TTC28: variants seen among roughly 807,000 people sequenced by gnomAD.
TTC28 encodes the protein tetratricopeptide repeat protein 28.
Under a neutral mutation model 198.0 loss-of-function variants are expected in TTC28, and 61 were observed. The ratio of observed to expected loss-of-function variants is 0.31; its 90% CI spans 0.25 to 0.38. The LOEUF (loss-of-function observed/expected upper bound fraction) is 0.38. Ranked by LOEUF, TTC28 falls within the 10% of genes least tolerant of loss-of-function variation. TTC28 has a pLI of 1.00. For missense variants in TTC28, 2,678 were observed against 3,164.0 expected (o/e 0.85, Z 3.69); for synonymous variants, 1,171 against 1,297.8 (o/e 0.90, Z 2.10).
intron 2 of TTC28, among the ~76,000 whole-genome samples, chr22:28,547,865 C>G (rs1015849188): frequency 2.0e-5 from 3 of 150,776 alleles, no homozygotes; most frequent in Admixed American, 2.0e-4. Flanking sequence ...CAGTTAAATA[C>G]TCGCTAAAGA....
At chr22:28,619,829 T>C (rs1300953932) in intron 2 of TTC28, among the ~76,000 whole-genome samples, 6 of 152,146 alleles carry the variant, frequency 3.9e-5, no homozygotes, top group Admixed American at 2.0e-4. Flanking sequence ...GAATTTATAG[T>C]AAAGCCAGGG....
chr22:28,612,989 G>A (rs2146157499), intron 2 of TTC28, among the ~76,000 whole-genome samples: 1 of 152,152 alleles, frequency 6.6e-6, no homozygotes, highest in South Asian at 2.1e-4. Flanking sequence ...GATCAGAGCA[G>A]AACTGAAGGA....
At chr22:28,504,681 G>GC (rs1467090360) in intron 2 of TTC28, among the ~76,000 whole-genome samples, 1 of 151,966 alleles carries the variant, frequency 6.6e-6, no homozygotes, top group East Asian at 1.9e-4. Context: ...TTTTTCTGAT[G>GC]CCCGACTCAC....
chr22:28,655,471 T>G (rs2051630349), intron 1 of TTC28, among the ~76,000 whole-genome samples: 2 of 152,340 alleles, frequency 1.3e-5, no homozygotes, highest in South Asian at 2.1e-4. Flanking sequence ...GTAGTCTAAT[T>G]CAATAACTTT....
At chr22:28,313,078 A>C (rs931419366) in intron 2 of TTC28, among the ~76,000 whole-genome samples, 1 of 152,240 alleles carries the variant, frequency 6.6e-6, no homozygotes, top group East Asian at 1.9e-4. Flanking sequence ...AGTATACTAT[A>C]AACACCTCTA....
intron 5 of TTC28, among the ~76,000 whole-genome samples, chr22:28,185,839 G>A (rs1924146482): frequency 6.6e-6 from 1 of 152,066 alleles, no homozygotes; most frequent in Admixed American, 6.6e-5. Context: ...AATATTAAAT[G>A]ACTGGTCCAA....
At chr22:28,142,213 G>T (rs148104070) in intron 6 of TTC28, among the ~76,000 whole-genome samples, 1,563 of 152,294 alleles carry the variant, frequency 0.01, 29 homozygotes, top group African/African-American at 0.035. Flanking sequence ...TAAGTGCCCA[G>T]TAAGTGTTGG....
At chr22:28,243,174 CAAAAAAAAAAAAAAAAAAA>C (rs754700795) in intron 5 of TTC28, among the ~76,000 whole-genome samples, 8,106 of 68,368 alleles carry the variant, frequency 0.12, 535 homozygotes, top group African/African-American at 0.14. Context: ...CCCCTCTCTA[CAAAAAAAAAAAAAAAAAAA>C]AAAAAAAAAA....
intron 2 of TTC28, among the ~76,000 whole-genome samples, chr22:28,552,684 G>A (rs1022334288): frequency 3.5e-4 from 54 of 152,132 alleles, no homozygotes; most frequent in Non-Finnish European, 7.5e-4. Context: ...ACAGGTAGAA[G>A]AATGAAACTG....
chr22:28,192,402 G>A lies in TTC28; in HGVS notation c.934-28803C>T, dbSNP rs1032476786. Among the ~76,000 whole-genome samples the A allele has an allele frequency of 4.6e-5, 7 of 152,216 alleles. No homozygotes were observed. The East Asian group carries it at 5.8e-4, about 13-fold the overall frequency. Reference sequence around the variant, plus strand: ...AGTGCCTCTCCTCCTTCAAAGGAACGCAGCTCCTCACCAGTAACGGAACAA... The same window carrying A: ...AGTGCCTCTCCTCCTTCAAAGGAACACAGCTCCTCACCAGTAACGGAACAA... On this transcript the variant is annotated intron_variant, in intron 5 of 22. Coordinates refer to ENST00000397906, the MANE Select transcript of TTC28 (RefSeq NM_001145418.2).
At chr22:28,577,895 G>A (rs1601586739) in intron 2 of TTC28, among the ~76,000 whole-genome samples, 2 of 151,978 alleles carry the variant, frequency 1.3e-5, no homozygotes, top group East Asian at 3.8e-4. Flanking sequence ...ACAGATGATG[G>A]TGTCTTGTTT....
chr22:28,245,986 C>G (rs35738822), intron 5 of TTC28, among the ~76,000 whole-genome samples: 7,923 of 152,222 alleles, frequency 0.052, 281 homozygotes, highest in African/African-American at 0.095. Flanking sequence ...CTATCAAACT[C>G]TTACCCATCC....
chr22:28,147,039 G>A (rs1943485446), intron 6 of TTC28, among the ~76,000 whole-genome samples: 1 of 152,182 alleles, frequency 6.6e-6, no homozygotes, highest in African/African-American at 2.4e-5. Context: ...AAAACTGAGA[G>A]CCTGTATTCA....
chr22:28,324,057 G>A (rs1401579713), intron 2 of TTC28, among the ~76,000 whole-genome samples: 3 of 152,080 alleles, frequency 2.0e-5, no homozygotes, highest in Non-Finnish European at 2.9e-5. Context: ...GACCTTCCCA[G>A]ACAAACAAAA....
chr22:28,287,720 C>T (rs149304888), intron 5 of TTC28, among the ~76,000 whole-genome samples: 2 of 152,082 alleles, frequency 1.3e-5, no homozygotes, highest in African/African-American at 4.8e-5. Flanking sequence ...GGACTTTATC[C>T]TGGAGGGAAA....
At chr22:28,487,446 A>T (rs1254590270) in intron 2 of TTC28, among the ~76,000 whole-genome samples, 2 of 151,974 alleles carry the variant, frequency 1.3e-5, no homozygotes, top group African/African-American at 4.8e-5. Flanking sequence ...TAAAAACTAT[A>T]AAATTAATAA....
At position 28,030,587 on chromosome 22, in the gene TTC28, G is replaced by T. The variant is rs527448099; in HGVS notation, c.3933-221C>A. ...AGATGAACTCTGGTTGGTTGTTTAT[G>T]GGCTGTCACCCCCGACTCTGCTGTG... On this transcript the variant is annotated intron_variant, in intron 12 of 22. Transcript: ENST00000397906. 3.3e-5 allele frequency among the ~76,000 whole-genome samples: 5 copies of T among 152,292 alleles called. No homozygotes were observed. In the East Asian group the frequency reaches 9.6e-4, roughly 29 times the overall value.
chr22:28,003,200 G>C (rs1291637727), intron 14 of TTC28, among the ~76,000 whole-genome samples: 8 of 152,080 alleles, frequency 5.3e-5, no homozygotes. Context: ...TCCCTGGCCG[G>C]CTCCATAGGT....
chr22:28,165,146 T>C (rs1435448251), intron 5 of TTC28, among the ~76,000 whole-genome samples: 1 of 152,042 alleles, frequency 6.6e-6, no homozygotes, highest in Non-Finnish European at 1.5e-5. Context: ...TAAAAAGAAA[T>C]GAACAAAGCC....
Sources: allele counts gnomAD v4.1 joint callset (sites outside exome capture counted in the v4.1 genomes callset), GRCh38; gene constraint gnomAD v4.1.1; transcripts MANE v1.5; gene names NCBI Gene and HGNC (gene_info 2026-07-23, HGNC 2026-07-21).